Variants in NDST4 observed in about 807,000 individuals in gnomAD.
NDST4 encodes N-heparan sulfate sulfotransferase 4.
In NDST4, 63 loss-of-function variants were observed where a neutral mutation model predicts 100.8. That is an observed-to-expected ratio of 0.62 (90% CI 0.51 to 0.77). The LOEUF (loss-of-function observed/expected upper bound fraction) is 0.77. NDST4 is among the 30% of genes least tolerant of loss of function. The pLI is 0.00. For missense variants in NDST4, 943 were observed against 1,018.4 expected, an observed-to-expected ratio of 0.93 and a Z score of 1.01; for synonymous variants, 377 against 361.8, an observed-to-expected ratio of 1.04 and a Z score of -0.48.
At chr4:115,100,884 A>C (rs1729716987) in intron 1 of NDST4, among the ~76,000 whole-genome samples, 2 of 151,906 alleles carry the variant, frequency 1.3e-5, no homozygotes, top group Non-Finnish European at 2.9e-5. Flanking sequence ...CACATTCAGA[A>C]AGCAAGATGC....
intron 6 of NDST4, among the ~76,000 whole-genome samples, chr4:114,934,564 A>AT (rs993370515): frequency 2.7e-5 from 4 of 150,078 alleles, no homozygotes; most frequent in African/African-American, 9.8e-5. Flanking sequence ...AAAAAAAAAA[A>AT]AATAAAATAA....
intron 3 of NDST4, among the ~76,000 whole-genome samples, chr4:114,972,884 A>C (rs1398967665): frequency 6.6e-6 from 1 of 152,076 alleles, no homozygotes; most frequent in Admixed American, 6.5e-5. Context: ...TGCATGACTG[A>C]TCATAAAATC....
rs1560570094 is a variant in NDST4 at position 115,022,404 on chromosome 4, C to CATATATGTGTTCCAT, written c.979-45131_979-45130insATGGAACACATATAT. On this transcript the variant is annotated intron_variant, in intron 2 of 13. Transcript: ENST00000264363. ...ATATGTGTTCCATATATATGTGTTC[C>CATATATGTGTTCCAT]ATATATATGTGTTCCATATATATGT... Among the ~76,000 whole-genome samples the CATATATGTGTTCCAT allele has an allele frequency of 4.6e-4, 7 of 15,254 alleles. 3 individuals are homozygous for CATATATGTGTTCCAT. The highest frequency in any genetic ancestry group is 1.5e-3 in the African/African-American group (4 of 2,752). The allele number at this position is 15,254 out of a possible 152,430, so 10.0% of individuals were successfully genotyped here. A position where few individuals can be genotyped will look rare whatever the true frequency, so the allele number is the denominator to read the frequency against.
intron 2 of NDST4, among the ~76,000 whole-genome samples, chr4:115,033,534 C>A (rs913811906): frequency 6.6e-6 from 1 of 151,518 alleles, no homozygotes; most frequent in African/African-American, 2.4e-5. Context: ...ACTTTTTGAT[C>A]TATCTATAAT....
rs753356917 is a variant in NDST4, at chr4:114,870,900, C to A, written c.1587G>T (p.Gly529=). ...TGACCAAGTTCACAAAGGTATATAA[C>A]CCTAGGCGGTCATTTCCATAGTTTG... ...HLSNYGNDRL[G]LYTFVNLVNF... The change falls in exon 7 of 14, where the codon GGG becomes GGT. Residue 529 remains glycine (G), a synonymous_variant. Coordinates refer to ENST00000264363, the MANE Select transcript of NDST4 (RefSeq NM_022569.3). The A allele has an allele frequency of 5.6e-6, 9 of 1,611,598 alleles. No homozygotes were observed. The highest frequency in any genetic ancestry group is 3.4e-5 in the Admixed American group (2 of 59,528).
In NDST4 at chr4:114,967,342, T is replaced by C. The variant is rs187771487; in HGVS notation, c.1221+3088A>G. Among the ~76,000 whole-genome samples the C allele has an allele frequency of 5.5e-3, 840 of 152,234 alleles. 10 individuals are homozygous for C. The highest frequency in any genetic ancestry group is 0.019 in the African/African-American group (805 of 41,548). ...AAATACAATAAGATTTTTTACACAA[T>C]ATATTTATAGGAATAAGTGTAGTTT... On this transcript the variant is annotated intron_variant, in intron 4 of 13. Transcript: ENST00000264363.
intron 1 of NDST4, among the ~76,000 whole-genome samples, 190 bp from the exon 2 acceptor site, chr4:115,077,472 C>T (rs1253403452): frequency 6.6e-6 from 1 of 151,930 alleles, no homozygotes; most frequent in African/African-American, 2.4e-5. Flanking sequence ...TTTTGATAAC[C>T]TCCAGAACAC....
chr4:114,899,747 A>T (rs1179660587), intron 6 of NDST4, among the ~76,000 whole-genome samples: 1 of 152,060 alleles, frequency 6.6e-6, no homozygotes, highest in East Asian at 1.9e-4. Flanking sequence ...TATTTTGCTG[A>T]TAATTTTTAC....
intron 2 of NDST4, among the ~76,000 whole-genome samples, chr4:115,024,976 G>A (rs1339868895): frequency 6.6e-6 from 1 of 152,110 alleles, no homozygotes; most frequent in East Asian, 1.9e-4. Context: ...CTCTGTTTTG[G>A]GAATTCACTT....
At chr4:115,069,598 T>C (rs752925554) in intron 2 of NDST4, among the ~76,000 whole-genome samples, 12 of 152,116 alleles carry the variant, frequency 7.9e-5, no homozygotes, top group Admixed American at 2.0e-4. Flanking sequence ...AAAACCACAA[T>C]GAGATATCAT....
rs57987259 is a variant in NDST4, at chr4:114,847,375, C to CAAAAAAAAAAAAAAA, written c.1940+825_1940+839dup. Among the ~76,000 whole-genome samples, 3 of 18,244 alleles carry CAAAAAAAAAAAAAAA rather than the reference C, an allele frequency of 1.6e-4. 1 individual carries two copies. The highest frequency in any genetic ancestry group is 2.9e-4 in the African/African-American group (1 of 3,432). 12.0% of individuals were successfully genotyped at this position (18,244 alleles called of 152,430 possible). ...TGGGCGACAGAGCGAGACTCCGTCT[C>CAAAAAAAAAAAAAAA]AAAAAAAAAAAAAAAAAAAAAAAAA... On this transcript the variant is annotated intron_variant, in intron 9 of 13. Coordinates refer to ENST00000264363, the MANE Select transcript of NDST4 (RefSeq NM_022569.3).
intron 6 of NDST4, among the ~76,000 whole-genome samples, chr4:114,871,641 G>A (rs939362017): frequency 6.6e-6 from 1 of 151,938 alleles, no homozygotes; most frequent in Admixed American, 6.6e-5. Context: ...AGTTCATTAG[G>A]CATTGCAGCA....
intron 5 of NDST4, among the ~76,000 whole-genome samples, chr4:114,936,152 T>C (rs2126225650): frequency 6.6e-6 from 1 of 152,266 alleles, no homozygotes; most frequent in East Asian, 1.9e-4. Context: ...CCAATGATGT[T>C]TTAGATACAG....
intron 6 of NDST4, among the ~76,000 whole-genome samples, chr4:114,915,293 G>A (rs1725145742): frequency 6.6e-6 from 1 of 152,110 alleles, no homozygotes; most frequent in African/African-American, 2.4e-5. Context: ...GTCCAATGCC[G>A]TAAGGGGTCA....
rs148372810 is a variant in NDST4 at position 115,001,545 on chromosome 4, G to A, written c.979-24271C>T. Among the ~76,000 whole-genome samples the A allele has an allele frequency of 5.7e-4, 87 of 151,888 alleles. 1 individual carries two copies. Among genetic ancestry groups the A allele is most frequent in the African/African-American group, 2.0e-3 (84 of 41,436 alleles). ...AACTGATTTGGCATGAGATACCAGA[G>A]TAGAATTCTGTTTGATTACCAAAGA... On this transcript the variant is annotated intron_variant, in intron 2 of 13. Transcript: ENST00000264363.
chr4:115,020,729 A>T (rs1578459276), intron 2 of NDST4, among the ~76,000 whole-genome samples: 1 of 152,040 alleles, frequency 6.6e-6, no homozygotes, highest in Non-Finnish European at 1.5e-5. Context: ...AAAAAACAAA[A>T]AATCCCTTAA....
chr4:115,015,341 T>C (rs182456631), intron 2 of NDST4, among the ~76,000 whole-genome samples: 9 of 152,210 alleles, frequency 5.9e-5, no homozygotes, highest in African/African-American at 4.8e-5. Flanking sequence ...TGCAGCACTA[T>C]AGGCTCTTTT....
intron 2 of NDST4, among the ~76,000 whole-genome samples, chr4:114,978,499 G>A (rs985176868): frequency 3.3e-5 from 5 of 151,954 alleles, no homozygotes; most frequent in Admixed American, 1.3e-4. Flanking sequence ...CAACTAAGTA[G>A]ACAAAGGCAG....
At chr4:115,097,421 A>C (rs772441377) in intron 1 of NDST4, among the ~76,000 whole-genome samples, 4 of 151,630 alleles carry the variant, frequency 2.6e-5, no homozygotes, top group Non-Finnish European at 5.9e-5. Context: ...TTGTTTAGGA[A>C]CTCTCTTTCT....
Sources: allele counts gnomAD v4.1 joint callset (sites outside exome capture counted in the v4.1 genomes callset), GRCh38; gene constraint gnomAD v4.1.1; transcripts MANE v1.5; gene names NCBI Gene and HGNC (gene_info 2026-07-23, HGNC 2026-07-21).